NTRK3: variants seen among roughly 807,000 people sequenced by gnomAD.
NTRK3 encodes the protein NT-3 growth factor receptor.
Under a neutral mutation model 91.7 loss-of-function variants are expected in NTRK3, and 24 were observed. The observed-to-expected ratio is 0.26, with a 90% CI of 0.19 to 0.37. NTRK3 has a LOEUF of 0.37. Ranked by LOEUF, NTRK3 falls within the 10% of genes least tolerant of loss-of-function variation. The pLI, the probability that NTRK3 is intolerant of heterozygous loss-of-function variation, is 1.00. For missense variants in NTRK3, 880 were observed against 1,068.9 expected, an observed-to-expected ratio of 0.82 and a Z score of 2.46; for synonymous variants, 483 against 404.0, an observed-to-expected ratio of 1.20 and a Z score of -2.34.
In NTRK3 at chr15:87,871,387, C is replaced by A. The variant is rs1596038336; in HGVS notation, c.*5548G>T. The stretch of plus-strand genomic sequence containing the variant: ...TGCAGTGACACAAACATTCACCACA[C>A]CTACTATGGTCAGCAGTGCCTTTCA... On this transcript the variant is annotated 3_prime_UTR_variant, in exon 19 of 19. Coordinates refer to ENST00000394480, the Ensembl canonical transcript of NTRK3. 21 of 231,104 alleles carry A rather than the reference C, an allele frequency of 9.1e-5. No individual in the cohort carries two copies. The East Asian group carries it at 1.3e-3, about 14-fold the overall frequency. 14.3% of individuals were successfully genotyped at this position (231,104 alleles called of 1,614,324 possible). A position where few individuals can be genotyped will look rare whatever the true frequency, so the allele number is the denominator to read the frequency against.
chr15:88,244,185 G>A (rs938330133), intron 3 of NTRK3, among the ~76,000 whole-genome samples: 1 of 152,148 alleles, frequency 6.6e-6, no homozygotes, highest in African/African-American at 2.4e-5. Context: ...TCCTGGGTGT[G>A]ACCTAACTTC....
chr15:87,872,919 T>C (rs2064860274), exon 19 of NTRK3: 1 of 233,022 alleles, frequency 4.3e-6, no homozygotes, highest in South Asian at 1.8e-4. Flanking sequence ...AGAAATAAGC[T>C]GATTTGGCCA....
At chr15:88,075,102 G>A (rs932015467) in intron 13 of NTRK3, among the ~76,000 whole-genome samples, 7 of 152,102 alleles carry the variant, frequency 4.6e-5, no homozygotes, top group African/African-American at 1.7e-4. Context: ...ACTCCTTCTA[G>A]AATTAGTGTT....
intron 17 of NTRK3, among the ~76,000 whole-genome samples, chr15:87,904,475 G>C (rs930451109): frequency 4.6e-5 from 7 of 152,034 alleles, no homozygotes; most frequent in African/African-American, 7.2e-5. Context: ...CTTTTAATAT[G>C]GGCCTTTGGG....
At chr15:87,888,121 G>A (rs762015109) in intron 17 of NTRK3, among the ~76,000 whole-genome samples, 8 of 152,136 alleles carry the variant, frequency 5.3e-5, no homozygotes, top group Non-Finnish European at 8.8e-5. Context: ...ACCTTCCACC[G>A]ATCATTGCCT....
At chr15:88,136,360 A>T in intron 8 of NTRK3, 107 bp downstream of exon 8, 1 of 1,378,548 alleles carries the variant, frequency 7.3e-7, no homozygotes, top group Non-Finnish European at 1.0e-6. Flanking sequence ...ACCCAAGTCT[A>T]TGTGTTTTTT....
chr15:87,877,246 CA>C, intron 18 of NTRK3, 126 bp from the exon 20 acceptor site: 1 of 965,308 alleles, frequency 1.0e-6, no homozygotes, highest in Admixed American at 2.0e-5. Flanking sequence ...CTCACAAGCA[CA>C]AGCTAAAGGC....
chr15:87,893,702 G>T (rs1413189673), intron 17 of NTRK3, among the ~76,000 whole-genome samples: 9 of 152,202 alleles, frequency 5.9e-5, no homozygotes, highest in Admixed American at 5.9e-4. Flanking sequence ...TCACAGAGAA[G>T]CCTGCTTCTC....
At chr15:88,086,961 T>G (rs1170851698) in intron 13 of NTRK3, among the ~76,000 whole-genome samples, 1 of 152,188 alleles carries the variant, frequency 6.6e-6, no homozygotes, top group Non-Finnish European at 1.5e-5. Context: ...CTCTGTGATT[T>G]GACATCAGTT....
intron 3 of NTRK3, among the ~76,000 whole-genome samples, chr15:88,209,481 G>C (rs1370087236): frequency 6.6e-6 from 1 of 152,224 alleles, no homozygotes; most frequent in Non-Finnish European, 1.5e-5. Context: ...TCCTATACTT[G>C]AGAGAGGAAA....
chr15:88,218,807 C>A (rs907608756), intron 3 of NTRK3, among the ~76,000 whole-genome samples: 5 of 152,262 alleles, frequency 3.3e-5, no homozygotes, highest in African/African-American at 1.2e-4. Flanking sequence ...GCCGCATTAA[C>A]CCCTGTGAGA....
At chr15:88,093,528 C>T (rs912409632) in intron 13 of NTRK3, among the ~76,000 whole-genome samples, 15 of 152,196 alleles carry the variant, frequency 9.9e-5, no homozygotes, top group Admixed American at 5.9e-4. Flanking sequence ...CCAGACCACA[C>T]AGCTCATAAA....
chr15:88,022,831 A>T (rs2077702173), intron 14 of NTRK3, among the ~76,000 whole-genome samples: 2 of 152,150 alleles, frequency 1.3e-5, no homozygotes, highest in African/African-American at 4.8e-5. Flanking sequence ...AATTAGACCT[A>T]ATTACTTAAT....
At chr15:87,949,438 G>A (rs2070888388) in intron 14 of NTRK3, among the ~76,000 whole-genome samples, 1 of 152,044 alleles carries the variant, frequency 6.6e-6, no homozygotes, top group Non-Finnish European at 1.5e-5. Context: ...AGAGGTAGCA[G>A]TCTAGGACAC....
At chr15:88,094,695 A>G (rs2049400279) in intron 13 of NTRK3, among the ~76,000 whole-genome samples, 1 of 152,212 alleles carries the variant, frequency 6.6e-6, no homozygotes, top group South Asian at 2.1e-4. Context: ...TTTGCAAGCC[A>G]TGGCCTGGGG....
chr15:88,162,533 G>A (rs1039155179), intron 5 of NTRK3, among the ~76,000 whole-genome samples: 3 of 152,148 alleles, frequency 2.0e-5, no homozygotes, highest in Admixed American at 6.5e-5. Flanking sequence ...GAGCATGGAG[G>A]GAACCATCAC....
intron 14 of NTRK3, among the ~76,000 whole-genome samples, chr15:87,988,059 G>A (rs1252558906): frequency 6.6e-6 from 1 of 152,124 alleles, no homozygotes; most frequent in Non-Finnish European, 1.5e-5. Context: ...ACGGAAAGAG[G>A]GAGAATGTAG....
intron 14 of NTRK3, among the ~76,000 whole-genome samples, chr15:87,988,693 T>G (rs2075046502): frequency 6.6e-6 from 1 of 152,186 alleles, no homozygotes; most frequent in Non-Finnish European, 1.5e-5. Flanking sequence ...ATTAGCAAAT[T>G]TGCTGGACTC....
chr15:87,929,395 C>G (rs1413050286), exon 17 of NTRK3: 1 of 1,614,124 alleles, frequency 6.2e-7, no homozygotes, highest in East Asian at 2.2e-5. Context: ...CCTGGCGTGG[C>G]TGTCCATCCA....
Sources: allele counts gnomAD v4.1 joint callset (sites outside exome capture counted in the v4.1 genomes callset), GRCh38; gene constraint gnomAD v4.1.1; transcripts MANE v1.5; gene names NCBI Gene and HGNC (gene_info 2026-07-23, HGNC 2026-07-21).